Variants in DHX15 observed in about 807,000 individuals in gnomAD.
DHX15 encodes ATP-dependent RNA helicase DHX15.
DHX15 carries 11 observed loss-of-function variants against 94.4 expected under a neutral mutation model. The observed-to-expected ratio is 0.12, with a 90% CI of 0.07 to 0.19. The LOEUF (loss-of-function observed/expected upper bound fraction) is 0.19. Among genes scored for constraint, DHX15 ranks in the 10% least tolerant of loss-of-function variants. The probability of loss-of-function intolerance (pLI) is 1.00; values close to 1 mark genes in which losing one functional copy is unlikely to be tolerated. For missense variants in DHX15, 304 were observed against 988.5 expected (o/e 0.31, Z 9.29); for synonymous variants, 338 against 329.9 (o/e 1.02, Z -0.27).
intron 3 of DHX15, among the ~76,000 whole-genome samples, chr4:24,568,407 A>G (rs1160018996): frequency 2.0e-5 from 3 of 152,182 alleles, no homozygotes; most frequent in African/African-American, 4.8e-5. Context: ...TAGCTCCTAG[A>G]AGAAACCCCA....
intron 5 of DHX15, among the ~76,000 whole-genome samples, chr4:24,554,344 TTGA>T (rs757476856): frequency 4.6e-5 from 7 of 152,232 alleles, no homozygotes; most frequent in South Asian, 2.1e-4. Flanking sequence ...CTGAAGTGTT[TTGA>T]TGATGAATAG....
chr4:24,574,300 C>T (rs1480618899), intron 2 of DHX15, among the ~76,000 whole-genome samples: 9 of 150,474 alleles, frequency 6.0e-5, no homozygotes, highest in Non-Finnish European at 1.3e-4. Context: ...AAAAGACTGG[C>T]TTTAATGGTT....
At chr4:24,531,324 G>A (rs916429698) in intron 12 of DHX15, among the ~76,000 whole-genome samples, 18 of 152,156 alleles carry the variant, frequency 1.2e-4, no homozygotes, top group South Asian at 1.0e-3. Flanking sequence ...TCTTGACCTC[G>A]TGATCCACCC....
intron 4 of DHX15, among the ~76,000 whole-genome samples, chr4:24,555,926 G>A (rs550617761): frequency 2.0e-5 from 3 of 152,152 alleles, no homozygotes; most frequent in African/African-American, 7.2e-5. Context: ...GAGGGAGAAA[G>A]ATTTGATCCT....
Position 24,540,149 on chromosome 4 carries a change from T to C in DHX15, c.1745A>G (p.Asn582Ser), listed in dbSNP as rs1721279520. The C allele has an allele frequency of 4.3e-6, 7 of 1,612,554 alleles. No individual in the cohort carries two copies. The highest frequency in any genetic ancestry group is 1.6e-4 in the Middle Eastern group (1 of 6,074). Reference protein sequence around the residue: ...AKMVIASCDYNCSNEVLSITA... With the variant: ...AKMVIASCDYSCSNEVLSITA... Reference sequence around the variant, plus strand: ...AATAGATAGGACCTCATTAGAACAGTTGTAGTCACAACTTGCAATAACCAT... The same window carrying C: ...AATAGATAGGACCTCATTAGAACAGCTGTAGTCACAACTTGCAATAACCAT... Residue 582 changes from asparagine to serine, a missense_variant, in exon 10 of 14, where the codon AAC becomes AGC. This residue lies in a region of DHX15 where 14 missense variants were observed against 24.5 expected (regional missense o/e 0.57). Transcript: ENST00000336812.
At chr4:24,552,821 A>T (rs192381076) in intron 5 of DHX15, among the ~76,000 whole-genome samples, 7 of 152,342 alleles carry the variant, frequency 4.6e-5, no homozygotes, top group Admixed American at 2.0e-4. Flanking sequence ...ATTTTATTTC[A>T]TGAAAGACAC....
chr4:24,564,170 T>C (rs2109005567), intron 3 of DHX15, among the ~76,000 whole-genome samples: 1 of 151,980 alleles, frequency 6.6e-6, no homozygotes, highest in East Asian at 1.9e-4. Context: ...CTGTGAGTGA[T>C]CAAATAGCAT....
intron 6 of DHX15, among the ~76,000 whole-genome samples, chr4:24,543,548 T>C (rs1361086363): frequency 6.6e-6 from 1 of 152,108 alleles, no homozygotes; most frequent in Non-Finnish European, 1.5e-5. Flanking sequence ...ATCAGCAGAA[T>C]CAAATGTAAA....
chr4:24,569,740 A>C (rs1167958422), intron 3 of DHX15, among the ~76,000 whole-genome samples: 2 of 152,258 alleles, frequency 1.3e-5, no homozygotes, highest in African/African-American at 4.8e-5. Context: ...AACCTCAGGG[A>C]GAAGATCACA....
intron 1 of DHX15, among the ~76,000 whole-genome samples, chr4:24,578,110 A>C (rs1273768536): frequency 6.6e-6 from 1 of 152,238 alleles, no homozygotes; most frequent in Non-Finnish European, 1.5e-5. Context: ...AAAATCACAG[A>C]GCATACAAGC....
At chr4:24,534,424 T>C (rs1365237575) in intron 11 of DHX15, among the ~76,000 whole-genome samples, 1 of 152,232 alleles carries the variant, frequency 6.6e-6, no homozygotes, top group Non-Finnish European at 1.5e-5. Context: ...ATTGCAAATC[T>C]AAGTTATTTG....
intron 11 of DHX15, among the ~76,000 whole-genome samples, chr4:24,536,583 T>C (rs1434189467): frequency 1.3e-5 from 2 of 152,198 alleles, no homozygotes; most frequent in Admixed American, 1.3e-4. Context: ...GCTGAACTTT[T>C]CCATATCATG....
chr4:24,583,829 T>C (rs1722537503), intron 1 of DHX15, among the ~76,000 whole-genome samples: 1 of 151,918 alleles, frequency 6.6e-6, no homozygotes, highest in African/African-American at 2.4e-5. Context: ...GCTCTCACTT[T>C]CCGCCCTCCG....
At chr4:24,544,005 TC>T in intron 6 of DHX15, among the ~76,000 whole-genome samples, 1 of 151,382 alleles carries the variant, frequency 6.6e-6, no homozygotes, top group East Asian at 1.9e-4. Flanking sequence ...AAGGTTTACT[TC>T]CATAGCAAAG....
At chr4:24,538,941 TA>T (rs995789236) in intron 10 of DHX15, 3 of 152,118 alleles carry the variant, frequency 2.0e-5, no homozygotes, top group African/African-American at 7.2e-5. Flanking sequence ...ACACTTTCTC[TA>T]AAAACTAAAA....
At chr4:24,548,015 C>G (rs965657735) in intron 6 of DHX15, among the ~76,000 whole-genome samples, 27 of 148,798 alleles carry the variant, frequency 1.8e-4, no homozygotes, top group African/African-American at 6.4e-4. Flanking sequence ...GATGTCTTCC[C>G]AGCCCCTCAA....
chr4:24,551,513 A>C (rs935203928), intron 5 of DHX15, among the ~76,000 whole-genome samples: 1 of 152,190 alleles, frequency 6.6e-6, no homozygotes, highest in Non-Finnish European at 1.5e-5. Flanking sequence ...GTGACACAGA[A>C]AACTATTAAA....
At chr4:24,556,203 C>T (rs1352410158) in intron 4 of DHX15, 48 bp downstream of exon 4, 11 of 1,528,860 alleles carry the variant, frequency 7.2e-6, no homozygotes, top group African/African-American at 4.1e-5. Flanking sequence ...CATTTTTATG[C>T]CCACATACAC....
At position 24,540,883 on chromosome 4, in the gene DHX15, A is replaced by C; in HGVS notation, c.1551T>G (p.Leu517=). 1 of 1,609,876 alleles carries C rather than the reference A, an allele frequency of 6.2e-7. No homozygotes were observed. The highest frequency in any genetic ancestry group is 8.5e-7 in the Non-Finnish European group (1 of 1,177,112). ...CAAAATGTACCAAGTCATCAATACCAAGTTTCTTCAATTGTAACACAACTG... is the reference window on the plus strand; with the variant it reads ...CAAAATGTACCAAGTCATCAATACCCAGTTTCTTCAATTGTAACACAACTG... ...LGSVVLQLKK[L]GIDDLVHFDF... is the part of the protein sequence containing the mutation. Residue 517 remains leucine (L), a synonymous_variant, in exon 9 of 14, where the codon CTT becomes CTG. Transcript: ENST00000336812.
Sources: gnomAD v4.1 joint callset for allele counts (sites outside exome capture counted in the v4.1 genomes callset) on GRCh38, gnomAD v4.1.1 for gene constraint, gnomAD v4.1.1 regional missense constraint, MANE v1.5 for transcripts, NCBI Gene and HGNC (gene_info 2026-07-23, HGNC 2026-07-21) for gene names.